The following ANKEF1 variants were observed in gnomAD, a reference collection of about 807,000 sequenced individuals.
The protein encoded by ANKEF1 is ankyrin repeat and EF-hand domain-containing protein 1.
ANKEF1 carries 43 observed loss-of-function variants against 65.1 expected under a neutral mutation model. The ratio of observed to expected loss-of-function variants is 0.66; its 90% confidence interval spans 0.52 to 0.85. The LOEUF (loss-of-function observed/expected upper bound fraction) is 0.85, where lower values mean the gene tolerates loss of function less well. Ranked by LOEUF, ANKEF1 falls within the 40% of genes least tolerant of loss-of-function variation. The probability of loss-of-function intolerance (pLI) is 0.00; values close to 1 mark genes in which losing one functional copy is unlikely to be tolerated. For synonymous variants in ANKEF1, 316 were observed against 341.5 expected, an observed-to-expected ratio of 0.93 and a Z score of 0.82; for missense variants, 934 against 952.9, an observed-to-expected ratio of 0.98 and a Z score of 0.26.
At chr20:10,045,277 A>G (rs1984447055) in intron 5 of ANKEF1, among the ~76,000 whole-genome samples, 1 of 152,196 alleles carries the variant, frequency 6.6e-6, no homozygotes, top group African/African-American at 2.4e-5. Flanking sequence ...AGAGTTTTCT[A>G]TACTCTAGAT....
In ANKEF1 at chr20:10,051,776, C is replaced by T; in HGVS notation, c.1757C>T (p.Ala586Val). 1.2e-6 allele frequency: 2 copies of T among 1,613,652 alleles called. No individual in the cohort carries two copies. Among genetic ancestry groups the T allele is most frequent in the Non-Finnish European group, 1.7e-6 (2 of 1,179,752 alleles). Residue 586 changes from alanine to valine, a missense_variant, in exon 8 of 11, where the codon GCA (alanine) becomes GTA (valine). By Grantham distance (64) the Ala-to-Val change is moderately conservative. Coordinates refer to ENST00000378392, the MANE Select transcript of ANKEF1 (RefSeq NM_022096.6). ...GTTGAATCTGGAGCTTTAATAGATG[C>T]AGCTTCAATCAACAACTCAACTCCT... ...LLVESGALID[A>V]ASINNSTPLN...
chr20:10,057,228 GGGA>G lies in ANKEF1; in HGVS notation c.*1573_*1575del, dbSNP rs1373242155. 1 of 152,262 alleles carries G rather than the reference GGGA, an allele frequency of 6.6e-6. No individual in the cohort carries two copies. The highest frequency in any genetic ancestry group is 1.9e-4 in the East Asian group (1 of 5,180). 9.4% of individuals were successfully genotyped at this position (152,262 alleles called of 1,614,324 possible). On this transcript the variant is annotated 3_prime_UTR_variant, in exon 11 of 11. Coordinates refer to ENST00000378392, the MANE Select transcript of ANKEF1 (RefSeq NM_022096.6). ...AGGGACCTTCCACAGGAGCCAGTTA[GGGA>G]GGAGAAGGGAAGAGAGAGAATGAAG... is the stretch of plus-strand genomic sequence containing the variant.
At chr20:10,036,823 C>T (rs905385069) in intron 2 of ANKEF1, among the ~76,000 whole-genome samples, 5 of 152,128 alleles carry the variant, frequency 3.3e-5, no homozygotes, top group African/African-American at 4.8e-5. Flanking sequence ...GCCTGGGTGA[C>T]AGAGTGAGAG....
chr20:10,046,920 AC>A (rs1220982601), intron 6 of ANKEF1, among the ~76,000 whole-genome samples: 1 of 152,154 alleles, frequency 6.6e-6, no homozygotes, highest in East Asian at 1.9e-4. Context: ...AGTGTGATAA[AC>A]CCTTTTAGCA....
chr20:10,049,411 A>G lies in ANKEF1; in HGVS notation c.842A>G (p.Asn281Ser). ...TTAGGATGTGACCTGAAATGGAAGA[A>G]TTTAGATCATAAAACGCCCAGGGCT... ...AQRGCDLKWK[N>S]LDHKTPRAVA... Residue 281 changes from asparagine to serine, a missense_variant, in exon 7 of 11, where the codon AAT becomes AGT. Asn to Ser is a conservative substitution (Grantham distance 46). Coordinates refer to ENST00000378392, the MANE Select transcript of ANKEF1 (RefSeq NM_022096.6). 1 of 1,612,166 alleles carries G rather than the reference A, an allele frequency of 6.2e-7. No individual in the cohort carries two copies. The highest frequency in any genetic ancestry group is 8.5e-7 in the Non-Finnish European group (1 of 1,179,472).
At chr20:10,038,714 A>G in intron 3 of ANKEF1, 67 bp downstream of exon 3, 1 of 1,265,592 alleles carries the variant, frequency 7.9e-7, no homozygotes, top group Non-Finnish European at 1.1e-6. Context: ...AATAACATGG[A>G]CTCTTTTTGT....
At position 10,038,489 on chromosome 20, in the gene ANKEF1, T is replaced by C. The variant is rs1202561670; in HGVS notation, c.188T>C (p.Met63Thr). ...GCCTCAGTTTCCAATGATATTGATA[T>C]GGTCAGCTTTCTCCTTGACCTTGGT... ...HLASVSNDIDMVSFLLDLGAH... is the reference protein window; with the variant it reads ...HLASVSNDIDTVSFLLDLGAH... The change falls in exon 3 of 11, where the codon ATG becomes ACG. Residue 63 changes from methionine to threonine, a missense_variant. Transcript: ENST00000378392. The C allele has an allele frequency of 6.8e-6, 11 of 1,614,112 alleles. No individual in the cohort carries two copies. Among genetic ancestry groups the C allele is most frequent in the Non-Finnish European group, 9.3e-6 (11 of 1,180,038 alleles).
chr20:10,038,169 T>C, intron 2 of ANKEF1, 89 bp from the exon 3 acceptor site: 1 of 536,330 alleles, frequency 1.9e-6, no homozygotes, highest in East Asian at 3.0e-5. Flanking sequence ...ACAATCTCTG[T>C]TCTTAAGGAA....
At chr20:10,044,965 A>G (rs961961344) in intron 5 of ANKEF1, among the ~76,000 whole-genome samples, 1 of 152,206 alleles carries the variant, frequency 6.6e-6, no homozygotes, top group Non-Finnish European at 1.5e-5. Context: ...TTTAAACTCA[A>G]GTATTCTGAT....
At position 10,058,194 on chromosome 20, in the gene ANKEF1, C is replaced by T. The variant is rs916763756; in HGVS notation, c.*2534C>T. On this transcript the variant is annotated 3_prime_UTR_variant, in exon 11 of 11. Coordinates refer to ENST00000378392, the MANE Select transcript of ANKEF1 (RefSeq NM_022096.6). ...AAAATTAACTGTAGTACATACTGTA[C>T]AACTGTAATAATTTCATAGCCACCT... The T allele has an allele frequency of 6.6e-6, 1 of 152,154 alleles. No homozygotes were observed. Among genetic ancestry groups the T allele is most frequent in the Non-Finnish European group, 1.5e-5 (1 of 68,024 alleles). 9.4% of individuals were successfully genotyped at this position (152,154 alleles called of 1,614,324 possible). A position where few individuals can be genotyped will look rare whatever the true frequency, so the allele number is the denominator to read the frequency against.
rs191252051 is a variant in ANKEF1 at position 10,043,302 on chromosome 20, A to G, written c.527A>G (p.Asn176Ser). The G allele has an allele frequency of 3.0e-5, 48 of 1,614,020 alleles. No homozygotes were observed. In the Middle Eastern group the frequency reaches 8.4e-4, roughly 28 times the overall value. ...VCLTFLEKGA[N>S]PNAINSSTGR... ...CTGACATTTTTGGAAAAAGGAGCCA[A>G]TCCTAATGCAATCAACTCAGTATGG... Residue 176 changes from asparagine to serine, a missense_variant, in exon 4 of 11, where the codon AAT (asparagine) becomes AGT (serine). Physicochemically the swap from Asn to Ser is conservative, Grantham distance 46. Transcript: ENST00000378392.
In ANKEF1 at chr20:10,038,641, G is replaced by A; in HGVS notation, c.340G>A (p.Gly114Arg). ...KADMTIVDNE[G>R]KGVLFYCILP... ...TGATATGACTATAGTTGATAATGAAGGAAAAGGTAAAAATCCCGACATCCT... is the reference window on the plus strand; with the variant it reads ...TGATATGACTATAGTTGATAATGAAAGAAAAGGTAAAAATCCCGACATCCT... The change falls in exon 3 of 11, where the codon GGA becomes AGA. Residue 114 changes from glycine (G) to arginine (R), a missense_variant. By Grantham distance (125) the Gly-to-Arg change is moderately radical. Coordinates refer to ENST00000378392, the MANE Select transcript of ANKEF1 (RefSeq NM_022096.6). The A allele has an allele frequency of 1.3e-6, 2 of 1,584,692 alleles. No individual in the cohort carries two copies. The highest frequency in any genetic ancestry group is 2.3e-5 in the South Asian group (2 of 88,166).
intron 9 of ANKEF1, 126 bp from the exon 10 acceptor site, chr20:10,054,336 T>G (rs764547671): frequency 2.8e-6 from 2 of 703,144 alleles, no homozygotes; most frequent in Non-Finnish European, 4.3e-6. Flanking sequence ...TTATCTCAAA[T>G]TATAACTTGT....
rs1191426513 is a variant in ANKEF1 at position 10,056,467 on chromosome 20, G to GATAT, written c.*810_*811insTATA. On this transcript the variant is annotated 3_prime_UTR_variant, in exon 11 of 11. Coordinates refer to ENST00000378392, the MANE Select transcript of ANKEF1 (RefSeq NM_022096.6). ...CAGATAGACAGATATATAGATGATAGATAGATAGATGATAGATAGATAGAT... is the reference window on the plus strand; with the variant it reads ...CAGATAGACAGATATATAGATGATAGATATATAGATAGATGATAGATAGATAGAT... 2.1e-5 allele frequency: 3 copies of GATAT among 145,808 alleles called. No homozygotes were observed. Among genetic ancestry groups the GATAT allele is most frequent in the Non-Finnish European group, 3.0e-5 (2 of 66,874 alleles). 9.0% of individuals were successfully genotyped at this position (145,808 alleles called of 1,614,324 possible).
rs576989434 is a variant in ANKEF1 at position 10,036,291 on chromosome 20, A to G, written c.-45+649A>G. Reference sequence around the variant, plus strand: ...TGAAGTCCCTGATTGGGAAATCCTTATTTTCACAAATCAAGTGGCATTGAT... The same window carrying G: ...TGAAGTCCCTGATTGGGAAATCCTTGTTTTCACAAATCAAGTGGCATTGAT... On this transcript the variant is annotated intron_variant, in intron 2 of 10. Transcript: ENST00000378392. Among the ~76,000 whole-genome samples the G allele has an allele frequency of 1.8e-4, 27 of 151,884 alleles. No homozygotes were observed. The South Asian group carries it at 5.6e-3, about 31-fold the overall frequency.
rs1166565721 is a variant in ANKEF1, at chr20:10,050,092, T to G, written c.1523T>G (p.Leu508Arg). ...ACCAAAGCAGGGGATCTGGCTTCTC[T>G]GAAAAAGGCCTTTGAATCAGGAATA... ...IITKAGDLAS[L>R]KKAFESGIPV... The change falls in exon 7 of 11, where the codon CTG (leucine) becomes CGG (arginine). Residue 508 changes from leucine to arginine, a missense_variant. Leu to Arg is a moderately radical substitution (Grantham distance 102, BLOSUM62 -2). Transcript: ENST00000378392. 1 of 1,614,160 alleles carries G rather than the reference T, an allele frequency of 6.2e-7. No individual in the cohort carries two copies. Among genetic ancestry groups the G allele is most frequent in the African/African-American group, 1.3e-5 (1 of 75,056 alleles).
Position 10,056,771 on chromosome 20 carries a change from T to C in ANKEF1, c.*1111T>C, listed in dbSNP as rs1985199989. The C allele has an allele frequency of 1.3e-5, 2 of 152,188 alleles. No individual in the cohort carries two copies. The highest frequency in any genetic ancestry group is 2.4e-5 in the African/African-American group (1 of 41,444). 9.4% of individuals were successfully genotyped at this position (152,188 alleles called of 1,614,324 possible). On this transcript the variant is annotated 3_prime_UTR_variant, in exon 11 of 11. Transcript: ENST00000378392. ...ATCCATTTACCTAACCAGATTACGA[T>C]TGTGAAAATTTCAACTGTTGTTAAA...
intron 6 of ANKEF1, among the ~76,000 whole-genome samples, chr20:10,048,826 T>C (rs375063577): frequency 7.2e-4 from 109 of 152,320 alleles, no homozygotes; most frequent in African/African-American, 2.4e-3. Context: ...TTACAATTAC[T>C]TTTTCCTCTG....
chr20:10,054,357 T>C, intron 9 of ANKEF1, 105 bp from the exon 10 acceptor site: 1 of 892,726 alleles, frequency 1.1e-6, no homozygotes, highest in Non-Finnish European at 1.6e-6. Context: ...ACAGTAGCAT[T>C]TTTAGGTTTC....
Sources: gnomAD v4.1 joint callset for allele counts (sites outside exome capture counted in the v4.1 genomes callset) on GRCh38, gnomAD v4.1.1 for gene constraint, MANE v1.5 for transcripts, NCBI Gene and HGNC (gene_info 2026-07-23, HGNC 2026-07-21) for gene names.